TPST1: variants seen among roughly 807,000 people sequenced by gnomAD.
The protein encoded by TPST1 is tyrosylprotein sulfotransferase 1.
A neutral mutation model predicts 34.8 loss-of-function variants in TPST1; 20 were observed. The observed-to-expected ratio is 0.57, with a 90% CI of 0.40 to 0.84. The LOEUF (loss-of-function observed/expected upper bound fraction) is 0.84. TPST1 is among the 40% of genes least tolerant of loss of function. The probability of loss-of-function intolerance (pLI) is 0.00; values close to 1 mark genes in which losing one functional copy is unlikely to be tolerated. For synonymous variants in TPST1, 152 were observed against 159.4 expected, an observed-to-expected ratio of 0.95 and a Z score of 0.35; for missense variants, 353 against 455.5, an observed-to-expected ratio of 0.78 and a Z score of 2.05.
At chr7:66,215,930 G>A (rs1789398049) in intron 1 of TPST1, among the ~76,000 whole-genome samples, 1 of 150,748 alleles carries the variant, frequency 6.6e-6, no homozygotes, top group Non-Finnish European at 1.5e-5. Context: ...CCGCCACGAC[G>A]GCTGGCTAAT....
chr7:66,331,639 A>G (rs7783779), intron 3 of TPST1, among the ~76,000 whole-genome samples: 101,141 of 152,022 alleles, frequency 0.67, 34,016 homozygotes, highest in African/African-American at 0.76. Flanking sequence ...GTGTTATAAA[A>G]AGAAGGTGTC....
chr7:66,318,102 G>A (rs1004587571), intron 3 of TPST1, among the ~76,000 whole-genome samples: 4 of 152,108 alleles, frequency 2.6e-5, no homozygotes, highest in African/African-American at 7.2e-5. Context: ...AGGTTACAGC[G>A]AGCCGAGATC....
At chr7:66,284,732 T>A (rs1474681583) in intron 2 of TPST1, among the ~76,000 whole-genome samples, 1 of 152,020 alleles carries the variant, frequency 6.6e-6, no homozygotes, top group Non-Finnish European at 1.5e-5. Flanking sequence ...AATTTTTGTA[T>A]TTTTAGTAGA....
At chr7:66,267,112 A>G (rs1008617520) in intron 2 of TPST1, among the ~76,000 whole-genome samples, 8 of 152,230 alleles carry the variant, frequency 5.3e-5, no homozygotes, top group African/African-American at 1.7e-4. Context: ...ATCAAGTTCA[A>G]TCATCCTAAA....
In TPST1 at chr7:66,332,032, T is replaced by C. The variant is rs967939163; in HGVS notation, c.1045-20473T>C. 6.6e-6 allele frequency among the ~76,000 whole-genome samples: 1 copy of C among 152,080 alleles called. No homozygotes were observed. The highest frequency in any genetic ancestry group is 2.4e-5 in the African/African-American group (1 of 41,400). On this transcript the variant is annotated intron_variant, in intron 3 of 5. Coordinates refer to ENST00000304842, the MANE Select transcript of TPST1 (RefSeq NM_003596.4). This position sits in a 1 kb window ranked among gnomAD's most constrained non-coding sequence, Gnocchi z 4.5. ...GGCTTCTACTGATTCTGCAATATAGTGAGTTGTGTAATAATTTCACTATAT... is the reference window on the plus strand; with the variant it reads ...GGCTTCTACTGATTCTGCAATATAGCGAGTTGTGTAATAATTTCACTATAT...
chr7:66,342,565 G>C (rs1460396106), intron 3 of TPST1, among the ~76,000 whole-genome samples: 1 of 152,096 alleles, frequency 6.6e-6, no homozygotes, highest in Non-Finnish European at 1.5e-5. Flanking sequence ...AAAGAAGAGG[G>C]GTTTATTTGG....
intron 1 of TPST1, among the ~76,000 whole-genome samples, chr7:66,217,033 A>G (rs1476400861): frequency 1.3e-5 from 2 of 151,692 alleles, no homozygotes; most frequent in African/African-American, 2.4e-5. Context: ...TTTTAATTTT[A>G]TTTCATTTTG....
At chr7:66,225,668 A>G (rs1270777618) in intron 1 of TPST1, among the ~76,000 whole-genome samples, 1 of 152,252 alleles carries the variant, frequency 6.6e-6, no homozygotes, top group Admixed American at 6.5e-5. Context: ...GTGTGTGTGC[A>G]TGCACACGCA....
At chr7:66,339,780 T>A (rs1399548249) in intron 3 of TPST1, among the ~76,000 whole-genome samples, 1 of 144,994 alleles carries the variant, frequency 6.9e-6, no homozygotes, top group African/African-American at 2.6e-5. Flanking sequence ...ACACCAAGCC[T>A]CTGTGACACA....
At chr7:66,202,605 G>A (rs889058226), upstream of TPST1, among the ~76,000 whole-genome samples, 3 of 152,154 alleles carry the variant, frequency 2.0e-5, no homozygotes, top group South Asian at 4.1e-4. Flanking sequence ...GCTGTGCACC[G>A]GTGGTGGCTT....
intron 3 of TPST1, among the ~76,000 whole-genome samples, chr7:66,309,755 G>T (rs1221111540): frequency 2.6e-5 from 4 of 152,134 alleles, no homozygotes; most frequent in Non-Finnish European, 4.4e-5. Flanking sequence ...AAAAATGCCA[G>T]ATATTCATTT....
chr7:66,249,941 C>T (rs1245546390), intron 2 of TPST1, among the ~76,000 whole-genome samples: 1 of 152,212 alleles, frequency 6.6e-6, no homozygotes, highest in Admixed American at 6.5e-5. Flanking sequence ...ACTTCCTATG[C>T]TTTCATGAGA....
At chr7:66,272,804 C>G (rs1307904497) in intron 2 of TPST1, among the ~76,000 whole-genome samples, 1 of 152,070 alleles carries the variant, frequency 6.6e-6, no homozygotes, top group Non-Finnish European at 1.5e-5. Flanking sequence ...CCAGGCTAGT[C>G]TTAAACTCCT....
chr7:66,356,955 A>T (rs1792594458), intron 5 of TPST1, 84 bp downstream of exon 5: 2 of 1,361,620 alleles, frequency 1.5e-6, no homozygotes, highest in Non-Finnish European at 2.1e-6. Context: ...TGGAGAGCAC[A>T]GCTCTGGAGT....
intron 3 of TPST1, among the ~76,000 whole-genome samples, chr7:66,296,274 C>T (rs2115999313): frequency 8.5e-6 from 1 of 117,902 alleles, no homozygotes; most frequent in South Asian, 3.0e-4. Context: ...ACCGTCTCTG[C>T]CTATCTTTAA....
intron 3 of TPST1, among the ~76,000 whole-genome samples, chr7:66,296,252 C>T (rs1368872725): frequency 2.3e-5 from 1 of 44,182 alleles, no homozygotes; most frequent in Non-Finnish European, 4.2e-5. Context: ...ACCCTTCCCC[C>T]CCCCCTCCCC....
At chr7:66,230,452 C>T (rs1440541456) in intron 1 of TPST1, among the ~76,000 whole-genome samples, 1 of 152,124 alleles carries the variant, frequency 6.6e-6, no homozygotes, top group Non-Finnish European at 1.5e-5. Context: ...TTCTGACATT[C>T]GGCTGTGTTC....
At chr7:66,284,282 G>T (rs1338655880) in intron 2 of TPST1, among the ~76,000 whole-genome samples, 1 of 152,142 alleles carries the variant, frequency 6.6e-6, no homozygotes. Flanking sequence ...CCGTTGTTTA[G>T]TGAGCATCTA....
At chr7:66,335,119 A>T (rs1361352205) in intron 3 of TPST1, among the ~76,000 whole-genome samples, 1 of 152,132 alleles carries the variant, frequency 6.6e-6, no homozygotes, top group Non-Finnish European at 1.5e-5. Context: ...TTTCCACAAA[A>T]CTTAGTGCTC....
Sources: allele counts gnomAD v4.1 joint callset (sites outside exome capture counted in the v4.1 genomes callset), GRCh38; gene constraint gnomAD v4.1.1; non-coding constraint Gnocchi (gnomAD v3.1); transcripts MANE v1.5; gene names NCBI Gene and HGNC (gene_info 2026-07-23, HGNC 2026-07-21).